Variants in ATP2C1 observed in about 807,000 individuals in gnomAD.
ATP2C1 encodes the protein calcium-transporting ATPase type 2C member 1.
In ATP2C1, 31 loss-of-function variants were observed where a neutral mutation model predicts 120.5. That is an observed-to-expected ratio of 0.26 (90% confidence interval 0.19 to 0.35). The LOEUF is 0.35. Ranked by LOEUF, ATP2C1 falls within the 10% of genes least tolerant of loss-of-function variation. The pLI, the probability that ATP2C1 is intolerant of heterozygous loss-of-function variation, is 1.00. For missense variants in ATP2C1, 731 were observed against 1,107.5 expected (o/e 0.66, Z 4.83); for synonymous variants, 351 against 358.7 (o/e 0.98, Z 0.24).
At chr3:130,866,460 C>T (rs914226661) in intron 1 of ATP2C1, among the ~76,000 whole-genome samples, 3 of 152,210 alleles carry the variant, frequency 2.0e-5, no homozygotes, top group African/African-American at 2.4e-5. Flanking sequence ...CCTCTTCTTT[C>T]ATCTAACTGG....
intron 18 of ATP2C1, among the ~76,000 whole-genome samples, chr3:130,977,258 TG>T (rs2061565148): frequency 6.6e-6 from 1 of 152,226 alleles, no homozygotes; most frequent in African/African-American, 2.4e-5. Context: ...CACCTGATTC[TG>T]GGGCTTTGAC....
chr3:130,893,605 G>A (rs73872037), upstream of ATP2C1, among the ~76,000 whole-genome samples: 5,707 of 152,332 alleles, frequency 0.037, 336 homozygotes, highest in African/African-American at 0.12. Flanking sequence ...TGCTGAGATT[G>A]TGACTGCCAC....
Position 130,948,606 on chromosome 3 carries a change from A to G in ATP2C1, c.532-5215A>G, listed in dbSNP as rs577910932. Among the ~76,000 whole-genome samples the G allele has an allele frequency of 1.3e-5, 2 of 152,050 alleles. 1 individual carries two copies. Among genetic ancestry groups the G allele is most frequent in the Middle Eastern group, 6.3e-3 (2 of 316 alleles). Reference sequence around the variant, plus strand: ...CATCAAGTTGGGGAAGTTTTCAGCCATTTTATCTTCAGCTATTCTTTCTGT... The same window carrying G: ...CATCAAGTTGGGGAAGTTTTCAGCCGTTTTATCTTCAGCTATTCTTTCTGT... On this transcript the variant is annotated intron_variant, in intron 8 of 27. Transcript: ENST00000510168.
Position 130,953,807 on chromosome 3 carries a change from T to A in ATP2C1, c.532-14T>A. On this transcript the variant is annotated splice_polypyrimidine_tract_variant and intron_variant, in intron 8 of 27. Transcript: ENST00000510168. ...GCACAAAATTTGAATCTGGGATTCT[T>A]TATGTTCCCTAAGGCTGTGGATCTT... is the stretch of plus-strand genomic sequence containing the variant. 2.5e-6 allele frequency: 4 copies of A among 1,613,936 alleles called. No homozygotes were observed. The highest frequency in any genetic ancestry group is 3.4e-6 in the Non-Finnish European group (4 of 1,179,854).
intron 1 of ATP2C1, among the ~76,000 whole-genome samples, chr3:130,853,920 C>G (rs550973324): frequency 6.6e-6 from 1 of 152,292 alleles, no homozygotes; most frequent in East Asian, 1.9e-4. Context: ...TTTACTAGGC[C>G]TAGAAGTTCC....
intron 2 of ATP2C1, among the ~76,000 whole-genome samples, chr3:130,896,980 A>T (rs927152781): frequency 6.6e-6 from 1 of 152,240 alleles, no homozygotes; most frequent in African/African-American, 2.4e-5. Flanking sequence ...AAAGATAATG[A>T]TAGAACCTAC....
At chr3:130,857,077 G>A (rs1576519271) in intron 1 of ATP2C1, among the ~76,000 whole-genome samples, 1 of 152,280 alleles carries the variant, frequency 6.6e-6, no homozygotes, top group South Asian at 2.1e-4. Flanking sequence ...ACAACATGAA[G>A]TTGAACTTTA....
At chr3:130,972,526 G>A (rs1355300923) in intron 17 of ATP2C1, among the ~76,000 whole-genome samples, 18 of 149,944 alleles carry the variant, frequency 1.2e-4, no homozygotes, top group Middle Eastern at 3.5e-3. Context: ...ACAATGTGCC[G>A]GTTAGTTACA....
chr3:130,963,984 G>T lies in ATP2C1; in HGVS notation c.913G>T (p.Ala305Ser), dbSNP rs771867563. 4 of 1,612,594 alleles carry T rather than the reference G, an allele frequency of 2.5e-6. No homozygotes were observed. Residue 305 changes from alanine to serine, a missense_variant, in exon 13 of 28, where the codon GCA (alanine) becomes TCA (serine). Ala to Ser is a moderately conservative substitution (Grantham distance 99). This residue lies in a region of ATP2C1 where 571 missense variants were observed against 845.9 expected (regional missense o/e 0.67). Transcript: ENST00000510168. The part of the protein sequence containing the change: ...FTISVSLAVA[A>S]IPEGLPIVVT... Reference sequence around the variant, plus strand: ...TGTTGGTTATAGTTTGGCTGTAGCAGCAATTCCTGAAGGTCTCCCCATTGT... The same window carrying T: ...TGTTGGTTATAGTTTGGCTGTAGCATCAATTCCTGAAGGTCTCCCCATTGT...
At chr3:130,883,729 T>C (rs2068861918) in intron 1 of ATP2C1, among the ~76,000 whole-genome samples, 1 of 152,082 alleles carries the variant, frequency 6.6e-6, no homozygotes, top group Non-Finnish European at 1.5e-5. Flanking sequence ...AGTGCCGGGA[T>C]CACTCATGTG....
chr3:130,995,838 G>A (rs1355395963), intron 22 of ATP2C1, among the ~76,000 whole-genome samples: 1 of 151,932 alleles, frequency 6.6e-6, no homozygotes, highest in Non-Finnish European at 1.5e-5. Context: ...ACGGAGTTTC[G>A]CTGCACCATG....
chr3:130,994,653 A>G (rs1304533339), intron 22 of ATP2C1, among the ~76,000 whole-genome samples: 2 of 151,872 alleles, frequency 1.3e-5, no homozygotes, highest in African/African-American at 2.4e-5. Flanking sequence ...AATCCCATTT[A>G]TTTATTTATT....
At chr3:130,977,296 A>G (rs957100557) in intron 18 of ATP2C1, among the ~76,000 whole-genome samples, 1 of 152,142 alleles carries the variant, frequency 6.6e-6, no homozygotes, top group Non-Finnish European at 1.5e-5. Context: ...TACTTTTGCT[A>G]AGTTGCACTT....
downstream of ATP2C1, among the ~76,000 whole-genome samples, chr3:131,005,820 A>G (rs115917132): frequency 4.7e-3 from 719 of 152,320 alleles, 5 homozygotes; most frequent in African/African-American, 0.016. Context: ...TAATATTTCA[A>G]TCTCCTTTGT....
chr3:130,902,312 T>TTTTTTTTTTTTTTG (rs1559900216), intron 2 of ATP2C1, among the ~76,000 whole-genome samples: 1 of 76,446 alleles, frequency 1.3e-5, no homozygotes, highest in African/African-American at 4.1e-5. Context: ...TTTTTTTTTT[T>TTTTTTTTTTTTTTG]TTTTTTTTTT....
intron 20 of ATP2C1, among the ~76,000 whole-genome samples, chr3:130,990,967 T>TG (rs2062308642): frequency 6.6e-6 from 1 of 152,192 alleles, no homozygotes; most frequent in African/African-American, 2.4e-5. Flanking sequence ...GAATTAGTTT[T>TG]GCTGATCTGG....
intron 1 of ATP2C1, among the ~76,000 whole-genome samples, chr3:130,885,709 G>A (rs561197261): frequency 1.3e-4 from 20 of 151,386 alleles, no homozygotes; most frequent in East Asian, 5.8e-4. Context: ...AAAAGTTGTC[G>A]TTATCATTTT....
intron 1 of ATP2C1, among the ~76,000 whole-genome samples, chr3:130,856,492 C>G (rs935099334): frequency 6.6e-6 from 1 of 152,196 alleles, no homozygotes; most frequent in Non-Finnish European, 1.5e-5. Flanking sequence ...ATGTTTTTAG[C>G]TCCATAAAGT....
chr3:130,922,192 T>G (rs2059001425), intron 2 of ATP2C1, among the ~76,000 whole-genome samples: 1 of 152,084 alleles, frequency 6.6e-6, no homozygotes, highest in Non-Finnish European at 1.5e-5. Context: ...TCTAGGAGAG[T>G]TTTATATTTC....
Sources: allele counts gnomAD v4.1 joint callset (sites outside exome capture counted in the v4.1 genomes callset), GRCh38; gene constraint gnomAD v4.1.1; regional missense constraint gnomAD v4.1.1; transcripts MANE v1.5; gene names NCBI Gene and HGNC (gene_info 2026-07-23, HGNC 2026-07-21).